Variants in KCNH1 observed in about 807,000 individuals in gnomAD.
The protein encoded by KCNH1 is potassium voltage-gated channel subfamily H member 1.
A neutral mutation model predicts 69.2 loss-of-function variants in KCNH1; 27 were observed. The observed-to-expected ratio is 0.39, with a 90% CI of 0.29 to 0.54. The LOEUF (loss-of-function observed/expected upper bound fraction) is 0.54. Among genes scored for constraint, KCNH1 ranks in the 20% least tolerant of loss-of-function variants. KCNH1 has a pLI of 0.68. For synonymous variants in KCNH1, 456 were observed against 487.7 expected (o/e 0.93, Z 0.86); for missense variants, 798 against 1,261.6 (o/e 0.63, Z 5.57).
chr1:210,761,249 C>CA (rs58988658), intron 10 of KCNH1, among the ~76,000 whole-genome samples: 17,735 of 37,006 alleles, frequency 0.48, 6,839 homozygotes, highest in East Asian at 0.64. Context: ...GAGACTCCGT[C>CA]AAAAAAAAAA....
intron 6 of KCNH1, among the ~76,000 whole-genome samples, chr1:211,013,931 A>C (rs1689446369): frequency 6.6e-6 from 1 of 152,104 alleles, no homozygotes; most frequent in South Asian, 2.1e-4. Flanking sequence ...ATAAAGGAAA[A>C]CTTGTCATGC....
intron 6 of KCNH1, among the ~76,000 whole-genome samples, chr1:210,951,522 G>A (rs758970362): frequency 1.3e-5 from 2 of 152,074 alleles, no homozygotes; most frequent in Non-Finnish European, 1.5e-5. Flanking sequence ...GCAGTTTGTC[G>A]GTTTGAGTTT....
intron 7 of KCNH1, chr1:210,860,108 A>C: frequency 9.1e-7 from 1 of 1,103,460 alleles, no homozygotes; most frequent in South Asian, 1.3e-5. Flanking sequence ...CTACTGGAAG[A>C]ATCTTTTGTG....
At chr1:210,893,825 T>C (rs991786288) in intron 7 of KCNH1, among the ~76,000 whole-genome samples, 2 of 152,116 alleles carry the variant, frequency 1.3e-5, no homozygotes, top group Non-Finnish European at 2.9e-5. Flanking sequence ...ATAGTGCATA[T>C]TGCTGTGTCT....
At chr1:211,110,621 T>C (rs35286074) in intron 1 of KCNH1, among the ~76,000 whole-genome samples, 2,795 of 152,258 alleles carry the variant, frequency 0.018, 42 homozygotes, top group Middle Eastern at 0.051. Context: ...GAATGTAATC[T>C]CATTGATTCT....
At chr1:210,845,393 C>T (rs1234781306) in intron 7 of KCNH1, among the ~76,000 whole-genome samples, 2,924 of 107,330 alleles carry the variant, frequency 0.027, no homozygotes, top group Non-Finnish European at 0.034. Context: ...ATCAAGTGGG[C>T]TTCATCCCTG....
At chr1:210,983,444 TG>T (rs1688757137) in intron 6 of KCNH1, among the ~76,000 whole-genome samples, 1 of 152,228 alleles carries the variant, frequency 6.6e-6, no homozygotes, top group African/African-American at 2.4e-5. Context: ...AATTAATTTT[TG>T]TGTAAGGTGT....
intron 9 of KCNH1, among the ~76,000 whole-genome samples, chr1:210,788,685 C>CTTTTTTTTT (rs139485350): frequency 3.7e-4 from 30 of 80,718 alleles, no homozygotes; most frequent in African/African-American, 9.4e-4. Flanking sequence ...TAGCTTCTTT[C>CTTTTTTTTT]TTTTTTTTTT....
At chr1:210,960,539 C>T (rs564388960) in intron 6 of KCNH1, among the ~76,000 whole-genome samples, 6 of 152,342 alleles carry the variant, frequency 3.9e-5, no homozygotes, top group African/African-American at 1.4e-4. Flanking sequence ...ACTCTGACTT[C>T]TTTAACTCAG....
intron 9 of KCNH1, among the ~76,000 whole-genome samples, chr1:210,783,574 G>A (rs1684033346): frequency 6.6e-6 from 1 of 152,184 alleles, no homozygotes; most frequent in African/African-American, 2.4e-5. Flanking sequence ...TTTCCTTAAA[G>A]AGAAAGACCA....
intron 5 of KCNH1, among the ~76,000 whole-genome samples, chr1:211,078,889 G>A (rs1176208137): frequency 3.8e-5 from 5 of 133,288 alleles, no homozygotes; most frequent in Non-Finnish European, 3.1e-5. Flanking sequence ...CTGCACTCCA[G>A]CCTGGGTGAC....
chr1:210,931,719 A>T (rs1164480830), intron 6 of KCNH1, among the ~76,000 whole-genome samples: 3 of 152,004 alleles, frequency 2.0e-5, no homozygotes, highest in Non-Finnish European at 2.9e-5. Flanking sequence ...AAAAGAATAC[A>T]GATATACAAT....
At chr1:211,010,268 T>C (rs1477744439) in intron 6 of KCNH1, among the ~76,000 whole-genome samples, 1 of 152,002 alleles carries the variant, frequency 6.6e-6, no homozygotes, top group Non-Finnish European at 1.5e-5. Flanking sequence ...GACAGCCCAA[T>C]CACAGTAGGT....
At chr1:210,867,343 AC>A (rs1392570020) in intron 7 of KCNH1, among the ~76,000 whole-genome samples, 2 of 127,642 alleles carry the variant, frequency 1.6e-5, no homozygotes, top group Admixed American at 7.7e-5. Flanking sequence ...ACACACACAC[AC>A]ACACACACAC....
intron 7 of KCNH1, among the ~76,000 whole-genome samples, chr1:210,836,892 T>C (rs1384140985): frequency 6.6e-6 from 1 of 152,166 alleles, no homozygotes; most frequent in Admixed American, 6.5e-5. Context: ...AGGACCCTCA[T>C]TTCTTTTCTA....
At chr1:211,000,646 A>G (rs1347858219) in intron 6 of KCNH1, among the ~76,000 whole-genome samples, 4 of 152,102 alleles carry the variant, frequency 2.6e-5, no homozygotes, top group African/African-American at 4.8e-5. Context: ...TTTCTTCACA[A>G]AATTGGAAAA....
chr1:210,799,428 C>A (rs781090670), intron 8 of KCNH1, among the ~76,000 whole-genome samples: 98 of 152,116 alleles, frequency 6.4e-4, no homozygotes, highest in Non-Finnish European at 9.4e-4. Context: ...TCAGCAGCAT[C>A]TTGGAATTCA....
chr1:210,716,499 GC>G, intron 10 of KCNH1, among the ~76,000 whole-genome samples: 1 of 150,798 alleles, frequency 6.6e-6, no homozygotes, highest in Non-Finnish European at 1.5e-5. Context: ...ACAACTGTAT[GC>G]TATTACTAAA....
At chr1:210,997,742 AT>A (rs1471876531) in intron 6 of KCNH1, among the ~76,000 whole-genome samples, 64 of 152,358 alleles carry the variant, frequency 4.2e-4, no homozygotes, top group East Asian at 2.3e-3. Context: ...GAAGGAAAAA[AT>A]GTTAAGGGCA....
Sources: gnomAD v4.1 joint callset for allele counts (sites outside exome capture counted in the v4.1 genomes callset) on GRCh38, gnomAD v4.1.1 for gene constraint, MANE v1.5 for transcripts, NCBI Gene and HGNC (gene_info 2026-07-23, HGNC 2026-07-21) for gene names.